The following NTN4 variants were observed in gnomAD, a reference collection of about 807,000 sequenced individuals.
The protein encoded by NTN4 is netrin 4.
Under a neutral mutation model 73.6 loss-of-function variants are expected in NTN4, and 32 were observed. The observed-to-expected ratio is 0.44, with a 90% CI of 0.33 to 0.58. NTN4 has a LOEUF of 0.58. Among genes scored for constraint, NTN4 ranks in the 20% least tolerant of loss-of-function variants. The pLI is 0.04. For synonymous variants in NTN4, 258 were observed against 287.5 expected, an observed-to-expected ratio of 0.90 and a Z score of 1.04; for missense variants, 654 against 798.3, an observed-to-expected ratio of 0.82 and a Z score of 2.18.
At position 95,672,946 on chromosome 12, in the gene NTN4, C is replaced by T. The variant is rs1489232149; in HGVS notation, c.1511-2800G>A. The T allele has an allele frequency of 4.5e-6, 5 of 1,121,626 alleles. No homozygotes were observed. In the Admixed American group the frequency reaches 5.1e-5, roughly 11 times the overall value. 69.5% of individuals were successfully genotyped at this position (1,121,626 alleles called of 1,614,324 possible). On this transcript the variant is annotated intron_variant, in intron 7 of 9. Coordinates refer to ENST00000343702, the MANE Select transcript of NTN4 (RefSeq NM_021229.4). Reference sequence around the variant, plus strand: ...GGAGCTGAACCTGCTGACTGGTATTCCCATTGTCTGTAAATTGGACAAGAG... The same window carrying T: ...GGAGCTGAACCTGCTGACTGGTATTTCCATTGTCTGTAAATTGGACAAGAG...
At chr12:95,757,132 G>A (rs1398162781) in intron 2 of NTN4, among the ~76,000 whole-genome samples, 1 of 152,152 alleles carries the variant, frequency 6.6e-6, no homozygotes, top group East Asian at 1.9e-4. Context: ...TTGCCCATCA[G>A]TGTGTAGGCA....
chr12:95,760,193 AACCCTATT>A (rs1478790833), intron 2 of NTN4, among the ~76,000 whole-genome samples: 4 of 152,184 alleles, frequency 2.6e-5, no homozygotes, highest in Non-Finnish European at 5.9e-5. Flanking sequence ...GGGCTAATTT[AACCCTATT>A]ACAAAGGTTT....
intron 2 of NTN4, among the ~76,000 whole-genome samples, chr12:95,774,794 C>A (rs2079080287): frequency 6.6e-6 from 1 of 152,192 alleles, no homozygotes; most frequent in Admixed American, 6.5e-5. Flanking sequence ...ATTAAGCATG[C>A]ACTATCTCAT....
intron 2 of NTN4, among the ~76,000 whole-genome samples, chr12:95,757,752 C>A (rs2078957144): frequency 7.4e-6 from 1 of 135,996 alleles, no homozygotes; most frequent in Non-Finnish European, 1.6e-5. Flanking sequence ...CATAGAAGCC[C>A]AAGGAAGTGA....
At chr12:95,710,733 T>C (rs1420703680) in intron 4 of NTN4, 104 bp from the exon 5 acceptor site, 1 of 1,070,672 alleles carries the variant, frequency 9.3e-7, no homozygotes, top group East Asian at 2.6e-5. Context: ...CCAGGCGTGG[T>C]AGCTCACACC....
intron 2 of NTN4, among the ~76,000 whole-genome samples, chr12:95,776,594 G>A (rs2079094343): frequency 6.6e-6 from 1 of 152,184 alleles, no homozygotes; most frequent in Admixed American, 6.5e-5. Flanking sequence ...AATGAAGCGA[G>A]AAGAGAAGTT....
chr12:95,726,835 T>C (rs2078698296), intron 3 of NTN4, among the ~76,000 whole-genome samples: 4 of 152,032 alleles, frequency 2.6e-5, no homozygotes. Context: ...CCGGGCATGG[T>C]GGTAGATGCC....
chr12:95,667,196 T>C (rs891387513), intron 8 of NTN4, among the ~76,000 whole-genome samples: 11 of 151,530 alleles, frequency 7.3e-5, no homozygotes, highest in Admixed American at 5.3e-4. Flanking sequence ...GAAGTTCTTT[T>C]TTTTTTTTTT....
At chr12:95,728,780 G>T (rs7976500) in intron 3 of NTN4, among the ~76,000 whole-genome samples, 1 of 151,842 alleles carries the variant, frequency 6.6e-6, no homozygotes, top group Non-Finnish European at 1.5e-5. Context: ...GTAATCCCCA[G>T]TGTTGGAGGT....
rs539914024 is a variant in NTN4, at chr12:95,683,652, C to T, written c.1240G>A (p.Asp414Asn). 1.4e-5 allele frequency: 23 copies of T among 1,613,776 alleles called. No homozygotes were observed. The highest frequency in any genetic ancestry group is 8.0e-5 in the African/African-American group (6 of 74,900). The change falls in exon 6 of 10, where the codon GAC (aspartate) becomes AAC (asparagine). Residue 414 changes from aspartate to asparagine, a missense_variant. Transcript: ENST00000343702. ...CAAGGGCAGTCACCATTGCTGGGGT[C>T]GCAGAAGGTCACTGAGTTGGCAGGA... is the stretch of plus-strand genomic sequence containing the variant. Reference protein sequence around the residue: ...VLPANSVTFCDPSNGDCPCKP... With the variant: ...VLPANSVTFCNPSNGDCPCKP...
chr12:95,726,799 G>T (rs137925320), intron 3 of NTN4, among the ~76,000 whole-genome samples: 2,371 of 152,040 alleles, frequency 0.016, 27 homozygotes, highest in Middle Eastern at 0.027. Context: ...GTGAAACCCC[G>T]TCTCTACTAA....
intron 1 of NTN4, among the ~76,000 whole-genome samples, 190 bp from the exon 2 acceptor site, chr12:95,787,658 G>A (rs116112041): frequency 0.019 from 2,896 of 152,228 alleles, 89 homozygotes; most frequent in African/African-American, 0.065. Context: ...CAATGCATTC[G>A]TGTATGCGTG....
chr12:95,714,915 C>G (rs1450322314), intron 3 of NTN4, among the ~76,000 whole-genome samples: 1 of 152,122 alleles, frequency 6.6e-6, no homozygotes, highest in Non-Finnish European at 1.5e-5. Context: ...CAAAATGAGT[C>G]CCTAAGGTAA....
chr12:95,787,564 A>C, intron 1 of NTN4, 96 bp from the exon 2 acceptor site: 1 of 1,230,998 alleles, frequency 8.1e-7, no homozygotes, highest in Non-Finnish European at 1.1e-6. Flanking sequence ...ATCTCCCCAA[A>C]AGCGCTTGAG....
rs552362978 is a variant in NTN4 at position 95,701,996 on chromosome 12, C to T, written c.1180+8445G>A. Among the ~76,000 whole-genome samples, 15 of 152,044 alleles carry T rather than the reference C, an allele frequency of 9.9e-5. No homozygotes were observed. The South Asian group carries it at 2.5e-3, about 25-fold the overall frequency. ...GACTGAGATTAGAAAGCTGGACAAA[C>T]TGGCTGGGCGCGGTGGCTCACGCAT... On this transcript the variant is annotated intron_variant, in intron 5 of 9. Coordinates refer to ENST00000343702, the MANE Select transcript of NTN4 (RefSeq NM_021229.4).
At chr12:95,698,776 G>A (rs1299404309) in intron 5 of NTN4, among the ~76,000 whole-genome samples, 1 of 151,962 alleles carries the variant, frequency 6.6e-6, no homozygotes, top group Non-Finnish European at 1.5e-5. Context: ...AGAATTGCTT[G>A]AGCCCAGGAG....
rs1254349267 is a variant in NTN4 at position 95,700,269 on chromosome 12, A to AT, written c.1180+10171dup. 5.3e-5 allele frequency among the ~76,000 whole-genome samples: 8 copies of AT among 149,886 alleles called. No homozygotes were observed. The South Asian group carries it at 6.4e-4, about 12-fold the overall frequency. ...GCATACCATCATGCTCAGCTAATTA[A>AT]TTTTTTTTTAAAGAGAGCTTATGCT... On this transcript the variant is annotated intron_variant, in intron 5 of 9. Coordinates refer to ENST00000343702, the MANE Select transcript of NTN4 (RefSeq NM_021229.4).
chr12:95,713,118 C>A, intron 4 of NTN4, 94 bp downstream of exon 4: 1 of 1,450,506 alleles, frequency 6.9e-7, no homozygotes, highest in Non-Finnish European at 9.4e-7. Context: ...TTGTCACCCA[C>A]CACTTTGTGT....
At chr12:95,751,007 C>A (rs997068647) in intron 2 of NTN4, among the ~76,000 whole-genome samples, 5 of 152,176 alleles carry the variant, frequency 3.3e-5, no homozygotes, top group African/African-American at 1.2e-4. Context: ...GGCTCTTTTT[C>A]ATCAAATATA....
Sources: gnomAD v4.1 joint callset for allele counts (sites outside exome capture counted in the v4.1 genomes callset) on GRCh38, gnomAD v4.1.1 for gene constraint, MANE v1.5 for transcripts, NCBI Gene and HGNC (gene_info 2026-07-23, HGNC 2026-07-21) for gene names.